The following NR2C2 variants were observed in gnomAD, a reference collection of about 807,000 sequenced individuals.
NR2C2 encodes nuclear receptor subfamily 2 group C member 2, also known as Nuclear hormone receptor TR4.
NR2C2 carries 6 observed loss-of-function variants against 62.9 expected under a neutral mutation model. That is an observed-to-expected ratio of 0.10 (90% CI 0.05 to 0.19). The LOEUF is 0.19. Ranked by LOEUF, NR2C2 falls within the 10% of genes least tolerant of loss-of-function variation. The pLI is 1.00. For synonymous variants in NR2C2, 272 were observed against 273.8 expected (o/e 0.99, Z 0.07); for missense variants, 479 against 762.7 (o/e 0.63, Z 4.38).
intron 8 of NR2C2, among the ~76,000 whole-genome samples, chr3:15,029,864 AAGAG>A (rs967457893): frequency 1.3e-5 from 2 of 150,792 alleles, no homozygotes; most frequent in Admixed American, 6.6e-5. Context: ...CCATCTCTGA[AAGAG>A]AGAAAGAAAA....
chr3:14,985,190 A>G (rs183556876), intron 1 of NR2C2, among the ~76,000 whole-genome samples: 1 of 152,204 alleles, frequency 6.6e-6, no homozygotes, highest in East Asian at 1.9e-4. Context: ...CATGTCCTGT[A>G]TGAGCTATAT....
At position 15,046,025 on chromosome 3, in the gene NR2C2, G is replaced by A. The variant is rs1217062567; in HGVS notation, c.*3017G>A. 1 of 152,242 alleles carries A rather than the reference G, an allele frequency of 6.6e-6. No individual in the cohort carries two copies. Among genetic ancestry groups the A allele is most frequent in the Non-Finnish European group, 1.5e-5 (1 of 68,038 alleles). The allele number at this position is 152,242 out of a possible 1,614,324, so 9.4% of individuals were successfully genotyped here. A position where few individuals can be genotyped will look rare whatever the true frequency, so the allele number is the denominator to read the frequency against. On this transcript the variant is annotated 3_prime_UTR_variant, in exon 14 of 14. Transcript: ENST00000425241. ...ATTAGCATAAAACAGGACAGGAAGA[G>A]ATTTTTTGAAAGACCAAATTAGTTG... is the stretch of plus-strand genomic sequence containing the variant.
Position 15,043,350 on chromosome 3 carries a change from T to G in NR2C2, c.*342T>G, listed in dbSNP as rs1056256310. Reference sequence around the variant, plus strand: ...AGAAAACTGAAAGAACCTGAGAGAATAGTATGTGTGTATATATATATATAA... The same window carrying G: ...AGAAAACTGAAAGAACCTGAGAGAAGAGTATGTGTGTATATATATATATAA... On this transcript the variant is annotated 3_prime_UTR_variant, in exon 14 of 14. Coordinates refer to ENST00000425241, the MANE Select transcript of NR2C2 (RefSeq NM_001291694.2). 1.8e-5 allele frequency: 3 copies of G among 166,660 alleles called. No homozygotes were observed. The highest frequency in any genetic ancestry group is 6.2e-5 in the Admixed American group (1 of 16,152). The allele number at this position is 166,660 out of a possible 1,614,324, so 10.3% of individuals were successfully genotyped here.
chr3:15,017,259 C>T (rs765905431), intron 4 of NR2C2, among the ~76,000 whole-genome samples: 25 of 152,176 alleles, frequency 1.6e-4, no homozygotes, highest in Non-Finnish European at 2.4e-4. Context: ...CCTCTGCTCC[C>T]GCCCTTTGTC....
intron 1 of NR2C2, among the ~76,000 whole-genome samples, chr3:14,969,401 C>T (rs1432064197): frequency 1.3e-5 from 2 of 151,982 alleles, no homozygotes; most frequent in African/African-American, 4.8e-5. Context: ...TGCCACCACA[C>T]CCAGCTAATT....
chr3:14,979,483 G>A (rs2040300851), intron 1 of NR2C2, among the ~76,000 whole-genome samples: 1 of 152,176 alleles, frequency 6.6e-6, no homozygotes. Flanking sequence ...AATAAAATGT[G>A]AAGAGAGCAG....
chr3:14,997,750 G>A (rs1340263248), intron 1 of NR2C2, among the ~76,000 whole-genome samples: 1 of 152,030 alleles, frequency 6.6e-6, no homozygotes, highest in African/African-American at 2.4e-5. Flanking sequence ...AAATTTAATA[G>A]CCCAGTAATG....
intron 2 of NR2C2, among the ~76,000 whole-genome samples, chr3:15,011,497 T>C (rs1233315115): frequency 1.3e-5 from 2 of 152,208 alleles, no homozygotes; most frequent in Non-Finnish European, 2.9e-5. Context: ...TCAGTTGAGC[T>C]GTGGGTAGGA....
chr3:14,958,469 C>T (rs2039590786), intron 1 of NR2C2, among the ~76,000 whole-genome samples: 1 of 152,082 alleles, frequency 6.6e-6, no homozygotes, highest in Admixed American at 6.6e-5. Flanking sequence ...GGGTGAAGTA[C>T]TAGCCTTTAG....
intron 5 of NR2C2, among the ~76,000 whole-genome samples, chr3:15,022,661 G>GT (rs1440412559): frequency 6.6e-6 from 1 of 151,988 alleles, no homozygotes; most frequent in Non-Finnish European, 1.5e-5. Flanking sequence ...GATTACAGAC[G>GT]TGAGCCACCA....
At chr3:15,035,611 C>G (rs761171903) in intron 11 of NR2C2, among the ~76,000 whole-genome samples, 1 of 152,212 alleles carries the variant, frequency 6.6e-6, no homozygotes, top group Non-Finnish European at 1.5e-5. Context: ...AACTAGGGCA[C>G]AGGCTGGGTG....
At chr3:14,992,298 G>A (rs2040694554) in intron 1 of NR2C2, among the ~76,000 whole-genome samples, 1 of 151,998 alleles carries the variant, frequency 6.6e-6, no homozygotes, top group Non-Finnish European at 1.5e-5. Flanking sequence ...AAACCCCCCT[G>A]TGTCGGTGGA....
chr3:15,013,844 T>C, intron 3 of NR2C2, 55 bp downstream of exon 3: 1 of 1,575,712 alleles, frequency 6.3e-7, no homozygotes, highest in Non-Finnish European at 8.7e-7. Context: ...AACTTGTTCC[T>C]GACTTGTTCT....
At chr3:15,042,602 A>G (rs192490967) in intron 13 of NR2C2, 26 of 398,590 alleles carry the variant, frequency 6.5e-5, no homozygotes, top group African/African-American at 4.7e-4. Flanking sequence ...GAGAGTTGGA[A>G]TAAACAAGAG....
At chr3:14,963,269 A>C (rs114314500) in intron 1 of NR2C2, among the ~76,000 whole-genome samples, 25 of 152,186 alleles carry the variant, frequency 1.6e-4, no homozygotes, top group African/African-American at 5.1e-4. Flanking sequence ...TAATCCTCAC[A>C]ATAACTTTCT....
chr3:15,027,574 A>C (rs1265358241), intron 7 of NR2C2, among the ~76,000 whole-genome samples: 1 of 151,952 alleles, frequency 6.6e-6, no homozygotes, highest in African/African-American at 2.4e-5. Context: ...CTTTGGAGAG[A>C]AGTCTATTAT....
At chr3:15,015,351 G>T (rs7635580) in intron 3 of NR2C2, among the ~76,000 whole-genome samples, 1 of 152,140 alleles carries the variant, frequency 6.6e-6, no homozygotes, top group Admixed American at 6.5e-5. Context: ...AATTGCTGTC[G>T]CCTAGAAAAT....
intron 7 of NR2C2, chr3:15,026,806 TCTC>T (rs2041833976): frequency 6.6e-6 from 1 of 152,192 alleles, no homozygotes; most frequent in African/African-American, 2.4e-5. Flanking sequence ...TTCAAGCAAT[TCTC>T]CTGCCTCAGC....
In NR2C2 at chr3:15,030,346, T is replaced by C. The variant is rs764927669; in HGVS notation, c.1004T>C (p.Ile335Thr). Residue 335 changes from isoleucine to threonine, a missense_variant, in exon 9 of 14, where the codon ATA (isoleucine) becomes ACA (threonine). Ile to Thr is a moderately conservative substitution (Grantham distance 89, BLOSUM62 -1). This residue lies in a region of NR2C2 where 151 missense variants were observed against 176.1 expected (regional missense o/e 0.86). Transcript: ENST00000425241. Reference sequence around the variant, plus strand: ...TCTTCTCCAAGCTTGGCAGATGGGATAGACACCAGTGGAGGAGGGAGCATC... The same window carrying C: ...TCTTCTCCAAGCTTGGCAGATGGGACAGACACCAGTGGAGGAGGGAGCATC... ...SSSSPSLADG[I>T]DTSGGGSIHV... The C allele has an allele frequency of 6.9e-5, 111 of 1,613,388 alleles. 1 individual carries two copies. In the Admixed American group the frequency reaches 1.7e-3, roughly 25 times the overall value.
Sources: allele counts gnomAD v4.1 joint callset (sites outside exome capture counted in the v4.1 genomes callset), GRCh38; gene constraint gnomAD v4.1.1; regional missense constraint gnomAD v4.1.1; transcripts MANE v1.5; gene names NCBI Gene and HGNC (gene_info 2026-07-23, HGNC 2026-07-21).